The following PIP5K1B variants were observed in gnomAD, a reference collection of about 807,000 sequenced individuals.
PIP5K1B encodes the protein phosphatidylinositol-4-phosphate 5-kinase type 1 beta.
In PIP5K1B, 42 loss-of-function variants were observed where a neutral mutation model predicts 67.0. The ratio of observed to expected loss-of-function variants is 0.63; its 90% CI spans 0.49 to 0.81. The LOEUF (loss-of-function observed/expected upper bound fraction) is 0.81, where lower values mean the gene tolerates loss of function less well. Ranked by LOEUF, PIP5K1B falls within the 30% of genes least tolerant of loss-of-function variation. The pLI is 0.00. For missense variants in PIP5K1B, 459 were observed against 646.3 expected (o/e 0.71, Z 3.14); for synonymous variants, 214 against 231.4 (o/e 0.92, Z 0.68).
chr9:68,789,651 A>C (rs1012961961), intron 2 of PIP5K1B: 1 of 339,390 alleles, frequency 2.9e-6, no homozygotes, highest in Admixed American at 3.9e-5. Context: ...GGAGTTGATC[A>C]AGAAAAGTCT....
chr9:68,744,460 T>C (rs1186971600), intron 2 of PIP5K1B, among the ~76,000 whole-genome samples: 1 of 152,264 alleles, frequency 6.6e-6, no homozygotes, highest in African/African-American at 2.4e-5. Flanking sequence ...CACTTTAATT[T>C]GCCAGATATT....
At chr9:68,852,257 G>C (rs1822529769) in intron 4 of PIP5K1B, among the ~76,000 whole-genome samples, 1 of 152,098 alleles carries the variant, frequency 6.6e-6, no homozygotes. Flanking sequence ...GAAAGACTCT[G>C]TTTGCAAAGA....
At chr9:68,765,189 T>G (rs1269708788) in intron 2 of PIP5K1B, among the ~76,000 whole-genome samples, 1 of 152,038 alleles carries the variant, frequency 6.6e-6, no homozygotes, top group Non-Finnish European at 1.5e-5. Flanking sequence ...AAACGAAAGC[T>G]CTGAGAAAAA....
chr9:69,003,482 G>T (rs1300020355), intron 15 of PIP5K1B, among the ~76,000 whole-genome samples: 2 of 128,772 alleles, frequency 1.6e-5, no homozygotes, highest in South Asian at 2.4e-4. Flanking sequence ...AAAAAAAGGG[G>T]GGGGGATATC....
At chr9:68,999,147 G>T (rs964916062) in intron 15 of PIP5K1B, among the ~76,000 whole-genome samples, 4 of 152,174 alleles carry the variant, frequency 2.6e-5, no homozygotes, top group African/African-American at 9.7e-5. Context: ...TCCCTGTGAT[G>T]TTCTGTGCCT....
chr9:68,864,976 T>C (rs1823285680), intron 5 of PIP5K1B, among the ~76,000 whole-genome samples: 1 of 152,260 alleles, frequency 6.6e-6, no homozygotes, highest in African/African-American at 2.4e-5. Context: ...CATTTATCTC[T>C]GTGTCTAGGT....
chr9:68,963,937 A>G (rs531396109), intron 14 of PIP5K1B: 1 of 152,326 alleles, frequency 6.6e-6, no homozygotes, highest in East Asian at 1.9e-4. Context: ...CCACAGAGAA[A>G]AAGAACTTGA....
chr9:68,900,930 G>T (rs1825324314), intron 8 of PIP5K1B, among the ~76,000 whole-genome samples: 1 of 152,102 alleles, frequency 6.6e-6, no homozygotes, highest in Admixed American at 6.5e-5. Context: ...GTTTGCATGG[G>T]TTACAAAATG....
chr9:68,846,524 A>G (rs1822200343), intron 4 of PIP5K1B, among the ~76,000 whole-genome samples: 1 of 152,186 alleles, frequency 6.6e-6, no homozygotes, highest in Admixed American at 6.5e-5. Flanking sequence ...AGGAGTGTTT[A>G]GGGCTGGCAT....
chr9:68,711,326 G>A (rs1411194760), intron 1 of PIP5K1B, among the ~76,000 whole-genome samples: 3 of 151,938 alleles, frequency 2.0e-5, no homozygotes, highest in South Asian at 4.2e-4. Flanking sequence ...TCATATGTTT[G>A]GTAATAAAGT....
At position 68,774,686 on chromosome 9, in the gene PIP5K1B, C is replaced by T. The variant is rs140703626; in HGVS notation, c.-86+32029C>T. Among the ~76,000 whole-genome samples the T allele has an allele frequency of 2.9e-3, 435 of 152,200 alleles. 5 individuals are homozygous for T. The highest frequency in any genetic ancestry group is 0.018 in the East Asian group (91 of 5,180). On this transcript the variant is annotated intron_variant, in intron 2 of 15. Transcript: ENST00000265382. ...CCTAAGGGTAACCACTATAATAGTC[C>T]CCCTCATCCAAGGGGAAACATTCCA...
rs186312049 is a variant in PIP5K1B, at chr9:68,726,942, G to A, written c.-242-15559G>A. Reference sequence around the variant, plus strand: ...ATTTGCCATTCTTATATGATTTTTGGTAAGGTGCTAAACTCTTGTATTGAT... The same window carrying A: ...ATTTGCCATTCTTATATGATTTTTGATAAGGTGCTAAACTCTTGTATTGAT... On this transcript the variant is annotated intron_variant, in intron 1 of 15. Coordinates refer to ENST00000265382, the MANE Select transcript of PIP5K1B (RefSeq NM_003558.4). Among the ~76,000 whole-genome samples, 289 of 151,456 alleles carry A rather than the reference G, an allele frequency of 1.9e-3. 1 individual carries two copies. Among genetic ancestry groups the A allele is most frequent in the Non-Finnish European group, 2.8e-3 (193 of 67,860 alleles).
At chr9:68,837,158 A>G (rs1170873052) in intron 4 of PIP5K1B, among the ~76,000 whole-genome samples, 1 of 152,188 alleles carries the variant, frequency 6.6e-6, no homozygotes, top group Non-Finnish European at 1.5e-5. Context: ...GTTCTCCCTC[A>G]GTAGATAAAT....
intron 12 of PIP5K1B, among the ~76,000 whole-genome samples, chr9:68,932,956 C>A (rs971962984): frequency 1.3e-5 from 2 of 151,976 alleles, no homozygotes; most frequent in Non-Finnish European, 2.9e-5. Context: ...CAAAATTAGC[C>A]AGGCATGGTG....
intron 2 of PIP5K1B, chr9:68,780,401 C>T (rs1225947524): frequency 1.9e-6 from 3 of 1,613,896 alleles, no homozygotes; most frequent in African/African-American, 2.7e-5. Flanking sequence ...CCCCTGTCCG[C>T]ATGCACAGCA....
chr9:68,922,293 C>G (rs1826443038), intron 11 of PIP5K1B, among the ~76,000 whole-genome samples: 2 of 151,710 alleles, frequency 1.3e-5, no homozygotes, highest in Admixed American at 1.3e-4. Context: ...GGTCAAAACC[C>G]CTCTACTAAA....
intron 14 of PIP5K1B, among the ~76,000 whole-genome samples, chr9:68,954,452 A>G (rs1219416826): frequency 6.6e-6 from 1 of 152,216 alleles, no homozygotes; most frequent in African/African-American, 2.4e-5. Flanking sequence ...CTTAATAGCA[A>G]AAGTGGAGCT....
At chr9:68,781,035 C>A in intron 2 of PIP5K1B, 1 of 1,605,020 alleles carries the variant, frequency 6.2e-7, no homozygotes, top group Non-Finnish European at 8.5e-7. Flanking sequence ...GTGATTCACT[C>A]ATCCTGAGAC....
chr9:68,743,239 C>T (rs150740201), intron 2 of PIP5K1B, among the ~76,000 whole-genome samples: 1,489 of 147,248 alleles, frequency 0.01, 11 homozygotes, highest in Non-Finnish European at 0.015. Context: ...ACAGGGTTGT[C>T]ACTCTGTCTC....
Sources: allele counts gnomAD v4.1 joint callset (sites outside exome capture counted in the v4.1 genomes callset), GRCh38; gene constraint gnomAD v4.1.1; transcripts MANE v1.5; gene names NCBI Gene and HGNC (gene_info 2026-07-23, HGNC 2026-07-21).